EXOC6: variants seen among roughly 807,000 people sequenced by gnomAD.
EXOC6 encodes the protein exocyst complex component 6, also known as SEC15-like 1.
A neutral mutation model predicts 112.5 loss-of-function variants in EXOC6; 60 were observed. That is an observed-to-expected ratio of 0.53 (90% CI 0.43 to 0.66). The LOEUF is 0.66. Among genes scored for constraint, EXOC6 ranks in the 30% least tolerant of loss-of-function variants. The pLI is 0.00. For synonymous variants in EXOC6, 295 were observed against 308.0 expected, an observed-to-expected ratio of 0.96 and a Z score of 0.44; for missense variants, 855 against 957.1, an observed-to-expected ratio of 0.89 and a Z score of 1.41.
At chr10:92,911,727 C>G (rs1266964529) in intron 6 of EXOC6, among the ~76,000 whole-genome samples, 1 of 152,162 alleles carries the variant, frequency 6.6e-6, no homozygotes, top group African/African-American at 2.4e-5. Flanking sequence ...CTTAGCATCT[C>G]TCTGTGGGGA....
intron 20 of EXOC6, among the ~76,000 whole-genome samples, chr10:93,021,885 T>C (rs1844811249): frequency 6.6e-6 from 1 of 152,354 alleles, no homozygotes; most frequent in South Asian, 2.1e-4. Flanking sequence ...TTTATGGTGG[T>C]AATTCGTTTA....
intron 20 of EXOC6, among the ~76,000 whole-genome samples, chr10:93,015,463 T>A (rs1269490228): frequency 6.6e-6 from 1 of 152,158 alleles, no homozygotes; most frequent in Non-Finnish European, 1.5e-5. Flanking sequence ...GACAATGAGT[T>A]GCCGGCTGGG....
intron 20 of EXOC6, among the ~76,000 whole-genome samples, chr10:93,049,008 G>T (rs764638517): frequency 2.0e-5 from 3 of 151,366 alleles, no homozygotes; most frequent in Admixed American, 6.6e-5. Flanking sequence ...ATACCCAAGA[G>T]AAATGGAAAC....
At chr10:92,893,643 AT>A in intron 2 of EXOC6, 123 bp downstream of exon 2, 1 of 753,134 alleles carries the variant, frequency 1.3e-6, no homozygotes, top group South Asian at 2.2e-5. Context: ...TAGTATATGT[AT>A]TAGGGAATGC....
intron 18 of EXOC6, among the ~76,000 whole-genome samples, chr10:92,982,824 T>G (rs538740452): frequency 6.6e-6 from 1 of 152,346 alleles, no homozygotes; most frequent in Non-Finnish European, 1.5e-5. Context: ...AGTGTTTTAC[T>G]GATGTGCCAA....
intron 20 of EXOC6, among the ~76,000 whole-genome samples, chr10:93,046,582 A>AGGGTAGTCAT (rs1443716457): frequency 6.6e-6 from 1 of 151,036 alleles, no homozygotes; most frequent in African/African-American, 2.4e-5. Flanking sequence ...GGAGTGTCCT[A>AGGGTAGTCAT]GGGTAGTCAT....
intron 9 of EXOC6, among the ~76,000 whole-genome samples, chr10:92,929,776 A>T (rs946125038): frequency 6.6e-6 from 1 of 152,252 alleles, no homozygotes; most frequent in Non-Finnish European, 1.5e-5. Flanking sequence ...TGAAGAAACT[A>T]TGTGGAAGTA....
At chr10:92,895,460 C>G (rs1849696949) in intron 4 of EXOC6, among the ~76,000 whole-genome samples, 1 of 152,084 alleles carries the variant, frequency 6.6e-6, no homozygotes, top group South Asian at 2.1e-4. Context: ...TCTCATTGTG[C>G]TGATAAGGTA....
intron 20 of EXOC6, among the ~76,000 whole-genome samples, chr10:93,048,328 C>T (rs1456570876): frequency 1.3e-5 from 2 of 151,166 alleles, no homozygotes; most frequent in Admixed American, 6.6e-5. Flanking sequence ...AATTATATGA[C>T]AGGTTCTTTC....
At chr10:92,927,424 G>A (rs1166167037) in intron 8 of EXOC6, among the ~76,000 whole-genome samples, 1 of 152,228 alleles carries the variant, frequency 6.6e-6, no homozygotes, top group Non-Finnish European at 1.5e-5. Flanking sequence ...TGATGAGCTA[G>A]ATGGAATGTG....
At chr10:92,895,403 T>A (rs1261483247) in intron 4 of EXOC6, among the ~76,000 whole-genome samples, 2 of 152,170 alleles carry the variant, frequency 1.3e-5, no homozygotes, top group Admixed American at 6.5e-5. Flanking sequence ...TAGTTTTCCA[T>A]TGTTTTTTGT....
At chr10:92,894,722 A>G in intron 2 of EXOC6, 72 bp from the exon 3 acceptor site, 1 of 1,168,182 alleles carries the variant, frequency 8.6e-7, no homozygotes, top group Non-Finnish European at 1.3e-6. Context: ...TGATCTGATT[A>G]CAAGGGTGAG....
rs572857629 is a variant in EXOC6 at position 93,033,356 on chromosome 10, A to G, written c.2169+19089A>G. ...ATAGTAGCTCCCAGCAGACTCAGAG[A>G]TTTCTGCTTTCAGTATTACAGATAG... On this transcript the variant is annotated intron_variant, in intron 20 of 21. Transcript: ENST00000260762. Among the ~76,000 whole-genome samples, 51 of 152,252 alleles carry G rather than the reference A, an allele frequency of 3.3e-4. 1 individual carries two copies. The highest frequency in any genetic ancestry group is 1.2e-3 in the African/African-American group (49 of 41,556).
chr10:92,845,944 A>G (rs1232261543), upstream of EXOC6, among the ~76,000 whole-genome samples: 1 of 152,180 alleles, frequency 6.6e-6, no homozygotes, highest in Non-Finnish European at 1.5e-5. Context: ...GTCTCGAAAA[A>G]ACCAACCAAA....
chr10:92,994,706 C>T (rs986297960), intron 18 of EXOC6, among the ~76,000 whole-genome samples: 6 of 151,498 alleles, frequency 4.0e-5, no homozygotes, highest in Non-Finnish European at 8.8e-5. Flanking sequence ...TTTAAAAGAT[C>T]GTTGTAAAAG....
At chr10:92,959,187 G>A (rs1564863471) in intron 17 of EXOC6, among the ~76,000 whole-genome samples, 1 of 152,142 alleles carries the variant, frequency 6.6e-6, no homozygotes, top group African/African-American at 2.4e-5. Flanking sequence ...AAAGACCCCA[G>A]AAATAGACCC....
intron 18 of EXOC6, among the ~76,000 whole-genome samples, chr10:92,976,516 A>G (rs1842617942): frequency 6.6e-6 from 1 of 151,772 alleles, no homozygotes; most frequent in South Asian, 2.1e-4. Flanking sequence ...ACCCAGGGAC[A>G]CAAACACTGC....
At chr10:93,005,009 C>G (rs1367472565) in intron 19 of EXOC6, among the ~76,000 whole-genome samples, 8 of 152,112 alleles carry the variant, frequency 5.3e-5, no homozygotes. Flanking sequence ...ATTATGTCTT[C>G]ATATCTATTA....
chr10:92,948,579 T>TACC (rs945606591), intron 14 of EXOC6, among the ~76,000 whole-genome samples, 200 bp downstream of exon 14: 42 of 146,376 alleles, frequency 2.9e-4, no homozygotes, highest in African/African-American at 1.0e-3. Context: ...CTACCACTAC[T>TACC]ACTACTACTA....
Sources: gnomAD v4.1 joint callset for allele counts (sites outside exome capture counted in the v4.1 genomes callset) on GRCh38, gnomAD v4.1.1 for gene constraint, MANE v1.5 for transcripts, NCBI Gene and HGNC (gene_info 2026-07-23, HGNC 2026-07-21) for gene names.